The following AP4M1 variants were observed in gnomAD, a reference collection of about 807,000 sequenced individuals.
The protein encoded by AP4M1 is adaptor related protein complex 4 subunit mu 1.
Under a neutral mutation model 62.4 loss-of-function variants are expected in AP4M1, and 58 were observed. The observed-to-expected ratio is 0.93, with a 90% confidence interval of 0.75 to 1.16. The LOEUF (loss-of-function observed/expected upper bound fraction) is 1.16. Among genes scored for constraint, AP4M1 ranks in the 50% most tolerant of loss-of-function variants. AP4M1 has a pLI of 0.00. For missense variants in AP4M1, 626 were observed against 585.4 expected (o/e 1.07, Z -0.72); for synonymous variants, 290 against 239.7 (o/e 1.21, Z -1.94).
chr7:100,106,700 T>G lies in AP4M1; in HGVS notation c.1180T>G (p.Ser394Ala). The G allele has an allele frequency of 6.2e-7, 1 of 1,613,570 alleles. No homozygotes were observed. Among genetic ancestry groups the G allele is most frequent in the Non-Finnish European group, 8.5e-7 (1 of 1,180,014 alleles). Residue 394 changes from serine (S) to alanine (A), a missense_variant, in exon 15 of 15, where the codon TCC (serine) becomes GCC (alanine). Ser to Ala is a moderately conservative substitution (Grantham distance 99). Coordinates refer to ENST00000359593, the MANE Select transcript of AP4M1 (RefSeq NM_004722.4). ...CCCAGGACCTCCCAGCCATGGGCTCTCCACCTCGGCCTCTCCTCTGGGGCT... is the reference window on the plus strand; with the variant it reads ...CCCAGGACCTCCCAGCCATGGGCTCGCCACCTCGGCCTCTCCTCTGGGGCT... ...GPPGPPSHGL[S>A]TSASPLGLGP...
In AP4M1 at chr7:100,106,113, A is replaced by G. The variant is rs569208314; in HGVS notation, c.974+110A>G. 2.5e-5 allele frequency: 39 copies of G among 1,541,866 alleles called. No homozygotes were observed. In the Admixed American group the frequency reaches 3.9e-4, roughly 15 times the overall value. The stretch of plus-strand genomic sequence containing the variant: ...CAGCTGCCAGCCTCAGAAGCCAGTT[A>G]AGGTAGAGGCTGTAGAATTTGGGAA... On this transcript the variant is annotated intron_variant, in intron 12 of 14. Transcript: ENST00000359593.
At chr7:100,101,353 G>A, upstream of AP4M1, 2 of 1,608,230 alleles carry the variant, frequency 1.2e-6, no homozygotes, top group Non-Finnish European at 1.7e-6. Context: ...TCCTGGGGAA[G>A]CTGAGAATCT....
At position 100,103,501 on chromosome 7, in the gene AP4M1, C is replaced by A; in HGVS notation, c.444C>A (p.Asp148Glu). 1 of 1,614,188 alleles carries A rather than the reference C, an allele frequency of 6.2e-7. No individual in the cohort carries two copies. The highest frequency in any genetic ancestry group is 8.5e-7 in the Non-Finnish European group (1 of 1,180,024). Reference sequence around the variant, plus strand: ...TCAGCAAGCCCTTCAGCCTCTTTGACCTCAGCAGCGTTGGCTTGGTCAGTA... The same window carrying A: ...TCAGCAAGCCCTTCAGCCTCTTTGAACTCAGCAGCGTTGGCTTGGTCAGTA... Reference protein sequence around the residue: ...AVVSKPFSLFDLSSVGLFGAE... With the variant: ...AVVSKPFSLFELSSVGLFGAE... Residue 148 changes from aspartate (D) to glutamate (E), a missense_variant, in exon 5 of 15, where the codon GAC (aspartate) becomes GAA (glutamate). Physicochemically the swap from Asp to Glu is conservative, Grantham distance 45. Transcript: ENST00000359593.
At chr7:100,103,378 A>C (rs2116635187) in intron 4 of AP4M1, 31 bp from the exon 5 acceptor site, 1 of 1,586,880 alleles carries the variant, frequency 6.3e-7, no homozygotes, top group East Asian at 2.2e-5. Flanking sequence ...CCCTCCACTG[A>C]TCACTCAGAC....
In AP4M1 at chr7:100,107,721, G is replaced by A; in HGVS notation, c.*839G>A. ...CACTCGCTCCCTGCCTGAACAAGTTGTTCCTGTAGTTCACCCTGTAGACAG... is the reference window on the plus strand; with the variant it reads ...CACTCGCTCCCTGCCTGAACAAGTTATTCCTGTAGTTCACCCTGTAGACAG... On this transcript the variant is annotated 3_prime_UTR_variant, in exon 15 of 15. Transcript: ENST00000359593. 6.6e-7 allele frequency: 1 copy of A among 1,507,128 alleles called. No individual in the cohort carries two copies. Among genetic ancestry groups the A allele is most frequent in the Non-Finnish European group, 8.9e-7 (1 of 1,125,742 alleles). 93.4% of individuals were successfully genotyped at this position (1,507,128 alleles called of 1,614,324 possible).
Position 100,107,293 on chromosome 7 carries a change from CT to C in AP4M1, c.*415del, listed in dbSNP as rs1796616467. ...CCGGAGTTGGGCTGGGAGCCATTGG[CT>C]TTTGGAGTCCCTGGAGCTGGAGGGG... On this transcript the variant is annotated 3_prime_UTR_variant, in exon 15 of 15. Coordinates refer to ENST00000359593, the MANE Select transcript of AP4M1 (RefSeq NM_004722.4). 1.3e-6 allele frequency: 2 copies of C among 1,524,806 alleles called. No individual in the cohort carries two copies. The highest frequency in any genetic ancestry group is 1.8e-6 in the Non-Finnish European group (2 of 1,138,664). The allele number at this position is 1,524,806 out of a possible 1,614,324, so 94.5% of individuals were successfully genotyped here. A position where few individuals can be genotyped will look rare whatever the true frequency, so the allele number is the denominator to read the frequency against.
In AP4M1 at chr7:100,105,405, C is replaced by T. The variant is rs200900793; in HGVS notation, c.835-40C>T. ...ACCATGGGGAAGGGGGCAGTGGGGT[C>T]GTGAGACCAAACTAACCTTGTTGCT... On this transcript the variant is annotated intron_variant, in intron 10 of 14. Coordinates refer to ENST00000359593, the MANE Select transcript of AP4M1 (RefSeq NM_004722.4). 7.8e-4 allele frequency: 1,250 copies of T among 1,612,484 alleles called. 3 individuals are homozygous for T. Among genetic ancestry groups the T allele is most frequent in the Non-Finnish European group, 1.0e-3 (1,206 of 1,178,546 alleles).
Position 100,106,529 on chromosome 7 carries a change from C to A in AP4M1, c.1137+15C>A. The A allele has an allele frequency of 6.2e-7, 1 of 1,603,628 alleles. No homozygotes were observed. ...GCCTTTTCCAGGTATTCGCTGTGGA[C>A]CCCCAGCCCCTCTCCTCCCACATTC... On this transcript the variant is annotated intron_variant, in intron 14 of 14. Coordinates refer to ENST00000359593, the MANE Select transcript of AP4M1 (RefSeq NM_004722.4).
Position 100,107,786 on chromosome 7 carries a change from C to T in AP4M1, c.*904C>T, listed in dbSNP as rs113014825. 12 of 1,378,080 alleles carry T rather than the reference C, an allele frequency of 8.7e-6. No homozygotes were observed. In the African/African-American group the frequency reaches 1.0e-4, roughly 12 times the overall value. 85.4% of individuals were successfully genotyped at this position (1,378,080 alleles called of 1,614,324 possible). On this transcript the variant is annotated 3_prime_UTR_variant, in exon 15 of 15. Transcript: ENST00000359593. ...CTTGTTCATGCAGGGCAGCTACAGCCCTGCAGGACCCTGGTGGGCGCCTCT... is the reference window on the plus strand; with the variant it reads ...CTTGTTCATGCAGGGCAGCTACAGCTCTGCAGGACCCTGGTGGGCGCCTCT...
Position 100,104,144 on chromosome 7 carries a change from T to C in AP4M1, c.596T>C (p.Ile199Thr). The C allele has an allele frequency of 6.2e-7, 1 of 1,613,920 alleles. No homozygotes were observed. Among genetic ancestry groups the C allele is most frequent in the Non-Finnish European group, 8.5e-7 (1 of 1,179,900 alleles). ...GTGGTCGAGAGATTGTCTGTACTGA[T>C]AGCATCTAATGTAAGTTTGAGCTCC... ...LDVVERLSVL[I>T]ASNGSLLKVD... is the part of the protein sequence containing the mutation. Residue 199 changes from isoleucine (I) to threonine (T), a missense_variant, in exon 7 of 15, where the codon ATA becomes ACA. Physicochemically the swap from Ile to Thr is moderately conservative, Grantham distance 89 (BLOSUM62 -1). Transcript: ENST00000359593.
In AP4M1 at chr7:100,101,759, C is replaced by G. The variant is rs370677112; in HGVS notation, c.45C>G (p.Leu15=). The G allele has an allele frequency of 9.8e-6, 15 of 1,530,300 alleles. No homozygotes were observed. In the African/African-American group the frequency reaches 2.1e-4, roughly 22 times the overall value. The allele number at this position is 1,530,300 out of a possible 1,614,324, so 94.8% of individuals were successfully genotyped here. A position where few individuals can be genotyped will look rare whatever the true frequency, so the allele number is the denominator to read the frequency against. ...FFILSSKGDP[L]IYKDFRGDSG... is the part of the protein sequence containing the mutation. The stretch of plus-strand genomic sequence containing the variant: ...TTCTGTCCTCCAAGGGGGACCCGCT[C>G]ATCTACAAAGACTGTATCCTAGACC... The change falls in exon 1 of 15, where the codon CTC becomes CTG. Residue 15 remains leucine, a synonymous_variant. Transcript: ENST00000359593.
At position 100,101,751 on chromosome 7, in the gene AP4M1, G is replaced by T; in HGVS notation, c.37G>T (p.Asp13Tyr). ...SQFFILSSKG[D>Y]PLIYKDFRGD... is the part of the protein sequence containing the mutation. ...ATTCTTCATTCTGTCCTCCAAGGGG[G>T]ACCCGCTCATCTACAAAGACTGTAT... is the stretch of plus-strand genomic sequence containing the variant. Residue 13 changes from aspartate to tyrosine, a missense_variant, in exon 1 of 15, where the codon GAC becomes TAC. Transcript: ENST00000359593. 1 of 1,529,442 alleles carries T rather than the reference G, an allele frequency of 6.5e-7. No homozygotes were observed. The allele number at this position is 1,529,442 out of a possible 1,614,324, so 94.7% of individuals were successfully genotyped here. A position where few individuals can be genotyped will look rare whatever the true frequency, so the allele number is the denominator to read the frequency against.
intron 6 of AP4M1, 139 bp downstream of exon 6, chr7:100,103,831 C>G: frequency 1.2e-6 from 1 of 863,730 alleles, no homozygotes; most frequent in African/African-American, 1.8e-5. Flanking sequence ...CACCTGATGC[C>G]AGGAGTTTCA....
intron 14 of AP4M1, 30 bp from the exon 15 acceptor site, chr7:100,106,628 C>T (rs1368129640): frequency 3.7e-6 from 6 of 1,608,134 alleles, no homozygotes; most frequent in East Asian, 2.2e-5. Flanking sequence ...TTCTTGCCCT[C>T]CTTCCTCTCC....
rs780489658 is a variant in AP4M1, at chr7:100,101,777, C to G, written c.58+5C>G. The G allele has an allele frequency of 1.9e-6, 3 of 1,612,852 alleles. No individual in the cohort carries two copies. The African/African-American group carries it at 4.0e-5, about 22-fold the overall frequency. ...ACCCGCTCATCTACAAAGACTGTAT[C>G]CTAGACCCTTGGGGCTGGGAAGGGG... On this transcript the variant is annotated splice_donor_5th_base_variant and intron_variant, in intron 1 of 14. Transcript: ENST00000359593.
At chr7:100,102,118 C>A (rs1796093858) in intron 2 of AP4M1, 150 bp downstream of exon 2, 1 of 854,826 alleles carries the variant, frequency 1.2e-6, no homozygotes, top group Non-Finnish European at 1.9e-6. Flanking sequence ...CGGTGGCTCA[C>A]GCCTGTAATC....
intron 2 of AP4M1, 25 bp from the exon 3 acceptor site, chr7:100,102,650 T>C (rs1796147859): frequency 1.9e-6 from 3 of 1,609,140 alleles, no homozygotes; most frequent in African/African-American, 1.3e-5. Flanking sequence ...TTTTAACGCC[T>C]CTCTTCTCCC....
rs1305601751 is a variant in AP4M1 at position 100,102,975 on chromosome 7, TC to T, written c.351+19del. 3 of 1,608,100 alleles carry T rather than the reference TC, an allele frequency of 1.9e-6. No homozygotes were observed. In the Admixed American group the frequency reaches 5.0e-5, roughly 27 times the overall value. ...ATGAAGTGCTGGTGAGAATCAACAA[TC>T]CCCTTCTGTGGCCCCTACCCAATTC... On this transcript the variant is annotated intron_variant, in intron 4 of 14. Transcript: ENST00000359593.
intron 14 of AP4M1, 48 bp downstream of exon 14, chr7:100,106,562 G>GA: frequency 6.6e-7 from 1 of 1,514,872 alleles, no homozygotes; most frequent in Non-Finnish European, 9.1e-7. Flanking sequence ...TTCACTTGCA[G>GA]CCCCCACCCC....
Sources: gnomAD v4.1 joint callset for allele counts on GRCh38, gnomAD v4.1.1 for gene constraint, MANE v1.5 for transcripts, NCBI Gene and HGNC (gene_info 2026-07-23, HGNC 2026-07-21) for gene names.